The following BIRC2 variants were observed in gnomAD, a reference collection of about 807,000 sequenced individuals.
The protein encoded by BIRC2 is baculoviral IAP repeat-containing protein 2.
In BIRC2, 18 loss-of-function variants were observed where a neutral mutation model predicts 60.9. The observed-to-expected ratio is 0.30, with a 90% CI of 0.20 to 0.44. The LOEUF (loss-of-function observed/expected upper bound fraction) is 0.44. BIRC2 is among the 20% of genes least tolerant of loss of function. BIRC2 has a pLI of 1.00. For missense variants in BIRC2, 701 were observed against 728.5 expected (o/e 0.96, Z 0.43); for synonymous variants, 282 against 247.7 (o/e 1.14, Z -1.30).
chr11:102,369,609 A>G (rs1282421824), intron 6 of BIRC2, among the ~76,000 whole-genome samples: 1 of 144,194 alleles, frequency 6.9e-6, no homozygotes, highest in East Asian at 2.0e-4. Flanking sequence ...ATTGTGAATA[A>G]TGCCGCAATA....
chr11:102,364,172 T>TAC lies in BIRC2; in HGVS notation c.1123+457_1123+458insCA, dbSNP rs1555048341. On this transcript the variant is annotated intron_variant, in intron 5 of 8. Coordinates refer to ENST00000227758, the MANE Select transcript of BIRC2 (RefSeq NM_001166.5). ...ATATATATATATATATATATATATA[T>TAC]ATACACACACACACAGAGAGAGAGA... is the stretch of plus-strand genomic sequence containing the variant. 7.8e-5 allele frequency among the ~76,000 whole-genome samples: 7 copies of TAC among 89,728 alleles called. No individual in the cohort carries two copies. In the East Asian group the frequency reaches 1.4e-3, roughly 18 times the overall value. 58.9% of individuals were successfully genotyped at this position (89,728 alleles called of 152,430 possible).
At position 102,349,743 on chromosome 11, in the gene BIRC2, T is replaced by G; in HGVS notation, c.-112T>G. On this transcript the variant is annotated 5_prime_UTR_variant, in exon 2 of 9. Transcript: ENST00000227758. ...GATAAATCCAGTAAAGAAAGTGTAG[T>G]AAATTCTACATAAGAGTCTATCATT... 2.6e-6 allele frequency: 3 copies of G among 1,132,952 alleles called. No individual in the cohort carries two copies. Among genetic ancestry groups the G allele is most frequent in the South Asian group, 3.2e-5 (2 of 61,910 alleles). 70.2% of individuals were successfully genotyped at this position (1,132,952 alleles called of 1,614,324 possible).
intron 3 of BIRC2, among the ~76,000 whole-genome samples, chr11:102,359,766 T>C (rs1332510791): frequency 1.3e-5 from 2 of 152,188 alleles, no homozygotes; most frequent in Admixed American, 6.5e-5. Flanking sequence ...TTTAAAATTC[T>C]CTTTCATCTT....
Position 102,367,884 on chromosome 11 carries a change from T to C in BIRC2, c.1124-422T>C, listed in dbSNP as rs189640864. Among the ~76,000 whole-genome samples the C allele has an allele frequency of 7.9e-4, 121 of 152,386 alleles. 1 individual carries two copies. The highest frequency in any genetic ancestry group is 2.9e-3 in the African/African-American group (120 of 41,588). ...TCCATCCTTCAAGTCCAAACTCTAA[T>C]GCGCCACTTTTCCATGAAGTCTTTG... On this transcript the variant is annotated intron_variant, in intron 5 of 8. Coordinates refer to ENST00000227758, the MANE Select transcript of BIRC2 (RefSeq NM_001166.5).
intron 3 of BIRC2, among the ~76,000 whole-genome samples, chr11:102,361,891 C>T (rs939527516): frequency 3.2e-5 from 4 of 123,918 alleles, no homozygotes; most frequent in Non-Finnish European, 5.0e-5. Context: ...CTAGTGAGTT[C>T]TTCCAGAGCT....
chr11:102,357,890 T>C (rs966861917), intron 3 of BIRC2, among the ~76,000 whole-genome samples: 9 of 152,324 alleles, frequency 5.9e-5, no homozygotes, highest in East Asian at 3.9e-4. Flanking sequence ...TAAACTTTCC[T>C]TTTAGAACTG....
intron 3 of BIRC2, among the ~76,000 whole-genome samples, chr11:102,359,926 T>TAG (rs1284598365): frequency 6.6e-6 from 1 of 151,942 alleles, no homozygotes; most frequent in Non-Finnish European, 1.5e-5. Flanking sequence ...TTTCTGTCCT[T>TAG]TCTCTCTTTT....
In BIRC2 at chr11:102,350,643, T is replaced by A; in HGVS notation, c.789T>A (p.Asn263Lys). The change falls in exon 2 of 9, where the codon AAT becomes AAA. Residue 263 changes from asparagine (N) to lysine (K), a missense_variant. Asn to Lys is a moderately conservative substitution (Grantham distance 94). This residue lies in a region of BIRC2 where 375 missense variants were observed against 365.9 expected (regional missense o/e 1.02). Transcript: ENST00000227758. Reference sequence around the variant, plus strand: ...AAACTCTGAGGTTTAGCATTTCAAATCTGAGCATGCAGACACATGCAGCTC... The same window carrying A: ...AAACTCTGAGGTTTAGCATTTCAAAACTGAGCATGCAGACACATGCAGCTC... The part of the protein sequence containing the change: ...SLETLRFSIS[N>K]LSMQTHAARM... 6.2e-7 allele frequency: 1 copy of A among 1,614,088 alleles called. No individual in the cohort carries two copies. Among genetic ancestry groups the A allele is most frequent in the Non-Finnish European group, 8.5e-7 (1 of 1,180,040 alleles).
Position 102,378,313 on chromosome 11 carries a change from G to T in BIRC2, c.*130G>T. 6.0e-6 allele frequency: 4 copies of T among 667,606 alleles called. No homozygotes were observed. The highest frequency in any genetic ancestry group is 9.4e-6 in the Non-Finnish European group (4 of 426,734). The allele number at this position is 667,606 out of a possible 1,614,324, so 41.4% of individuals were successfully genotyped here. ...TAACATTCATGTTCTAGTCTGCTTT[G>T]GTACTAATAATCTTGTTTCTGAAAA... On this transcript the variant is annotated 3_prime_UTR_variant, in exon 9 of 9. Coordinates refer to ENST00000227758, the MANE Select transcript of BIRC2 (RefSeq NM_001166.5).
intron 5 of BIRC2, among the ~76,000 whole-genome samples, chr11:102,364,139 TTATATATATATATATATATATA>T (rs371707721): frequency 3.6e-4 from 22 of 61,400 alleles, no homozygotes; most frequent in African/African-American, 1.0e-3. Flanking sequence ...CTAATAAATA[TTATATATATATATATATATATA>T]TATATATATA....
rs1367035285 is a variant in BIRC2 at position 102,349,987 on chromosome 11, T to C, written c.133T>C (p.Cys45Arg). ...ACAAAAAATGAAGTATGACTTTTCCTGTGAACTCTACAGAATGTCTACATA... is the reference window on the plus strand; with the variant it reads ...ACAAAAAATGAAGTATGACTTTTCCCGTGAACTCTACAGAATGTCTACATA... ...NKQKMKYDFS[C>R]ELYRMSTYST... The change falls in exon 2 of 9, where the codon TGT becomes CGT. Residue 45 changes from cysteine (C) to arginine (R), a missense_variant. Cys to Arg is a radical substitution (Grantham distance 180). Transcript: ENST00000227758. 6.2e-7 allele frequency: 1 copy of C among 1,614,094 alleles called. No homozygotes were observed. The highest frequency in any genetic ancestry group is 8.5e-7 in the Non-Finnish European group (1 of 1,180,038).
Position 102,377,976 on chromosome 11 carries a change from T to G in BIRC2, c.1664-14T>G, listed in dbSNP as rs1591545919. 1.9e-6 allele frequency: 3 copies of G among 1,601,144 alleles called. No individual in the cohort carries two copies. The highest frequency in any genetic ancestry group is 1.7e-6 in the Non-Finnish European group (2 of 1,176,068). ...AGTGGAAACAATTTCACTAAAGTTA[T>G]TTTTTGTTATTAGGTCTGTCACTGG... On this transcript the variant is annotated splice_polypyrimidine_tract_variant and intron_variant, in intron 8 of 8. Coordinates refer to ENST00000227758, the MANE Select transcript of BIRC2 (RefSeq NM_001166.5).
intron 8 of BIRC2, 27 bp downstream of exon 8, chr11:102,377,925 G>T: frequency 6.2e-7 from 1 of 1,608,362 alleles, no homozygotes; most frequent in South Asian, 1.1e-5. Context: ...AAACCAACAT[G>T]AACTATTACC....
chr11:102,363,532 C>A, intron 4 of BIRC2, 136 bp from the exon 5 acceptor site: 1 of 499,704 alleles, frequency 2.0e-6, no homozygotes, highest in Non-Finnish European at 3.5e-6. Flanking sequence ...TAAAAGAAAG[C>A]AAAGCAAAGG....
At chr11:102,368,666 G>T in intron 6 of BIRC2, 118 bp downstream of exon 6, 1 of 1,392,376 alleles carries the variant, frequency 7.2e-7, no homozygotes, top group South Asian at 1.5e-5. Flanking sequence ...CAGTCCTCCA[G>T]TCATTTCGAA....
intron 5 of BIRC2, among the ~76,000 whole-genome samples, chr11:102,365,743 A>AGAGTGTGTGTGTGTGTGT (rs1555048601): frequency 6.8e-6 from 1 of 147,568 alleles, no homozygotes; most frequent in African/African-American, 2.5e-5. Flanking sequence ...CATTCAGCTA[A>AGAGTGTGTGTGTGTGTGT]GTGTGTGTGT....
chr11:102,351,464 A>C (rs1951358131), intron 3 of BIRC2, among the ~76,000 whole-genome samples: 1 of 151,588 alleles, frequency 6.6e-6, no homozygotes, highest in Non-Finnish European at 1.5e-5. Context: ...AAAATACAAA[A>C]ACTAGCTGGG....
At chr11:102,359,063 T>C (rs533722471) in intron 3 of BIRC2, among the ~76,000 whole-genome samples, 2 of 152,230 alleles carry the variant, frequency 1.3e-5, no homozygotes, top group Non-Finnish European at 2.9e-5. Context: ...CCCTTGTGTT[T>C]AGATGATTTT....
chr11:102,374,421 C>A (rs1238066107), intron 6 of BIRC2, among the ~76,000 whole-genome samples: 74 of 147,456 alleles, frequency 5.0e-4, no homozygotes, highest in Non-Finnish European at 9.3e-4. Flanking sequence ...GTTGGAATAC[C>A]CTGCCGTGTG....
Sources: gnomAD v4.1 joint callset for allele counts (sites outside exome capture counted in the v4.1 genomes callset) on GRCh38, gnomAD v4.1.1 for gene constraint, gnomAD v4.1.1 regional missense constraint, MANE v1.5 for transcripts, NCBI Gene and HGNC (gene_info 2026-07-23, HGNC 2026-07-21) for gene names.